COL15A1: variants seen among roughly 807,000 people sequenced by gnomAD.
COL15A1 encodes collagen type XV alpha 1 chain.
In COL15A1, 111 loss-of-function variants were observed where a neutral mutation model predicts 165.9. The observed-to-expected ratio is 0.67, with a 90% confidence interval of 0.57 to 0.78. The LOEUF (loss-of-function observed/expected upper bound fraction) is 0.78, where lower values mean the gene tolerates loss of function less well. Among genes scored for constraint, COL15A1 ranks in the 30% least tolerant of loss-of-function variants. The probability of loss-of-function intolerance (pLI) is 0.00; values close to 1 mark genes in which losing one functional copy is unlikely to be tolerated. For synonymous variants in COL15A1, 659 were observed against 674.8 expected (o/e 0.98, Z 0.36); for missense variants, 1,745 against 1,789.7 (o/e 0.98, Z 0.45).
intron 39 of COL15A1, among the ~76,000 whole-genome samples, chr9:99,064,139 A>G (rs1192400018): frequency 2.0e-5 from 3 of 152,014 alleles, no homozygotes; most frequent in African/African-American, 7.2e-5. Context: ...AGGTGACATG[A>G]GCTTGCACAC....
chr9:98,964,588 T>C (rs1268082577), intron 2 of COL15A1, among the ~76,000 whole-genome samples: 1 of 152,190 alleles, frequency 6.6e-6, no homozygotes, highest in African/African-American at 2.4e-5. Flanking sequence ...AGCATCAACG[T>C]CATTGCATGT....
At chr9:98,990,276 G>C (rs1838395674) in intron 5 of COL15A1, among the ~76,000 whole-genome samples, 1 of 152,244 alleles carries the variant, frequency 6.6e-6, no homozygotes, top group Admixed American at 6.5e-5. Context: ...AAGGGTGTAT[G>C]GGCCGGACTG....
At chr9:99,059,286 C>T (rs934564492) in intron 35 of COL15A1, among the ~76,000 whole-genome samples, 10 of 152,212 alleles carry the variant, frequency 6.6e-5, no homozygotes, top group African/African-American at 2.2e-4. Context: ...TCAGTTCTCA[C>T]CGCAGCCCAG....
chr9:99,025,102 A>G (rs1359875626), intron 15 of COL15A1, 103 bp downstream of exon 15: 4 of 903,072 alleles, frequency 4.4e-6, no homozygotes, highest in Non-Finnish European at 6.8e-6. Context: ...AAGGTTCGCG[A>G]TGGGGAGAGA....
chr9:98,967,859 G>T (rs2118827011), intron 2 of COL15A1, among the ~76,000 whole-genome samples: 1 of 152,358 alleles, frequency 6.6e-6, no homozygotes, highest in East Asian at 1.9e-4. Context: ...TCTCAAACTA[G>T]GGTGTGCATC....
Position 99,003,529 on chromosome 9 carries a change from C to T in COL15A1, c.1142C>T (p.Pro381Leu), listed in dbSNP as rs948210148. 12 of 1,569,876 alleles carry T rather than the reference C, an allele frequency of 7.6e-6. No homozygotes were observed. The highest frequency in any genetic ancestry group is 3.7e-5 in the Admixed American group (2 of 53,992). ...TAGEAEASSV[P>L]TGGPTLSMST... The stretch of plus-strand genomic sequence containing the variant: ...GGAGAAGCAGAGGCCAGCAGTGTGC[C>T]CACCGGGGGACCAACCCTCTCTATG... The change falls in exon 8 of 42, where the codon CCC becomes CTC. Residue 381 changes from proline to leucine, a missense_variant. Transcript: ENST00000375001.
chr9:98,989,086 G>A (rs547790637), intron 4 of COL15A1, 92 bp from the exon 5 acceptor site: 16 of 818,314 alleles, frequency 2.0e-5, no homozygotes, highest in African/African-American at 1.6e-4. Flanking sequence ...TAGGAGAGTC[G>A]GTTTGTCAGT....
rs201734908 is a variant in COL15A1, at chr9:99,024,268, G to GTTTTTTTTTTTTTTTTTTTTTTTTTTTT, written c.1855-598_1855-597insTTTTTTTTTTTTTTTTTTTTTTTTTTTT. Among the ~76,000 whole-genome samples, 83 of 131,478 alleles carry GTTTTTTTTTTTTTTTTTTTTTTTTTTTT rather than the reference G, an allele frequency of 6.3e-4. 9 individuals carry two copies. Among genetic ancestry groups the GTTTTTTTTTTTTTTTTTTTTTTTTTTTT allele is most frequent in the South Asian group, 1.5e-3 (6 of 4,118 alleles). 86.3% of individuals were successfully genotyped at this position (131,478 alleles called of 152,430 possible). A position where few individuals can be genotyped will look rare whatever the true frequency, so the allele number is the denominator to read the frequency against. On this transcript the variant is annotated intron_variant, in intron 14 of 41. Transcript: ENST00000375001. ...TAAAAACAAGGCTACACCACAAGCAGTTTTTTTTGTTTTTTTGTTTTTTTT... is the reference window on the plus strand; with the variant it reads ...TAAAAACAAGGCTACACCACAAGCAGTTTTTTTTTTTTTTTTTTTTTTTTTTTTTTTTTTTTGTTTTTTTGTTTTTTTT...
rs1190307947 is a variant in COL15A1 at position 99,025,906 on chromosome 9, C to T, written c.1983C>T (p.Gly661=). The T allele has an allele frequency of 6.2e-7, 1 of 1,612,774 alleles. No individual in the cohort carries two copies. The highest frequency in any genetic ancestry group is 8.5e-7 in the Non-Finnish European group (1 of 1,179,608). ...DGPAGEPGPP[G]PEGQPGVDGA... Reference sequence around the variant, plus strand: ...TGATTGTCACTGATGTTCCCCAGGGCCCTGAGGGACAGCCTGGAGTTGATG... The same window carrying T: ...TGATTGTCACTGATGTTCCCCAGGGTCCTGAGGGACAGCCTGGAGTTGATG... Residue 661 remains glycine, a splice_region_variant and synonymous_variant, in exon 16 of 42, where the codon GGC becomes GGT. Transcript: ENST00000375001.
At chr9:99,000,148 G>A (rs1414015455) in intron 6 of COL15A1, among the ~76,000 whole-genome samples, 1 of 152,110 alleles carries the variant, frequency 6.6e-6, no homozygotes, top group African/African-American at 2.4e-5. Context: ...TGGGATTCCG[G>A]GCTGCTTTTT....
chr9:98,944,612 C>CG (rs1837547055), intron 2 of COL15A1, among the ~76,000 whole-genome samples: 1 of 152,274 alleles, frequency 6.6e-6, no homozygotes, highest in Non-Finnish European at 1.5e-5. Context: ...TGCTGGCTGG[C>CG]TTCTGGTAAG....
chr9:98,968,367 G>C (rs977208046), intron 2 of COL15A1, among the ~76,000 whole-genome samples: 36 of 152,254 alleles, frequency 2.4e-4, no homozygotes, highest in African/African-American at 7.5e-4. Context: ...CGAGAAGTGT[G>C]AAGTGGAGGT....
At chr9:99,002,685 G>C (rs969892021) in intron 7 of COL15A1, among the ~76,000 whole-genome samples, 1 of 152,192 alleles carries the variant, frequency 6.6e-6, no homozygotes, top group African/African-American at 2.4e-5. Flanking sequence ...TGTTTTTTGA[G>C]ACAGTAATTC....
At chr9:98,998,623 C>T (rs10988521) in intron 6 of COL15A1, among the ~76,000 whole-genome samples, 3 of 152,134 alleles carry the variant, frequency 2.0e-5, no homozygotes, top group African/African-American at 4.8e-5. Context: ...TGAATCTGGC[C>T]GCAGTTGTGG....
chr9:98,989,915 G>C (rs561494338), intron 5 of COL15A1, among the ~76,000 whole-genome samples: 1 of 152,224 alleles, frequency 6.6e-6, no homozygotes, highest in East Asian at 1.9e-4. Flanking sequence ...GAGTCAGACT[G>C]TGGGGACACC....
chr9:98,959,997 G>C (rs545412672), intron 2 of COL15A1, among the ~76,000 whole-genome samples: 1 of 152,252 alleles, frequency 6.6e-6, no homozygotes, highest in East Asian at 1.9e-4. Flanking sequence ...GCCTTTGCTT[G>C]CGCTGTTCCT....
intron 35 of COL15A1, among the ~76,000 whole-genome samples, chr9:99,058,688 A>G (rs1218532457): frequency 6.6e-6 from 1 of 152,216 alleles, no homozygotes; most frequent in Non-Finnish European, 1.5e-5. Flanking sequence ...AAGATAAAAC[A>G]GATATTATTA....
intron 2 of COL15A1, among the ~76,000 whole-genome samples, chr9:98,983,369 C>T (rs1352149536): frequency 2.0e-5 from 3 of 152,140 alleles, no homozygotes; most frequent in East Asian, 1.9e-4. Context: ...GAGCCCCACC[C>T]GCAACCCCGG....
intron 2 of COL15A1, among the ~76,000 whole-genome samples, chr9:98,974,418 G>A (rs1838108425): frequency 6.6e-6 from 1 of 152,164 alleles, no homozygotes; most frequent in Non-Finnish European, 1.5e-5. Context: ...TCTCTGTAGG[G>A]GTGTCCAAAG....
Sources: allele counts gnomAD v4.1 joint callset (sites outside exome capture counted in the v4.1 genomes callset), GRCh38; gene constraint gnomAD v4.1.1; transcripts MANE v1.5; gene names NCBI Gene and HGNC (gene_info 2026-07-23, HGNC 2026-07-21).